The following DYNC1I1 variants were observed in gnomAD, a reference collection of about 807,000 sequenced individuals.
DYNC1I1 encodes the protein cytoplasmic dynein 1 intermediate chain 1.
A neutral mutation model predicts 86.6 loss-of-function variants in DYNC1I1; 43 were observed. The ratio of observed to expected loss-of-function variants is 0.50; its 90% CI spans 0.39 to 0.64. The LOEUF (loss-of-function observed/expected upper bound fraction) is 0.64, where lower values mean the gene tolerates loss of function less well. Among genes scored for constraint, DYNC1I1 ranks in the 30% least tolerant of loss-of-function variants. The pLI, the probability that DYNC1I1 is intolerant of heterozygous loss-of-function variation, is 0.00. For missense variants in DYNC1I1, 604 were observed against 788.8 expected, an observed-to-expected ratio of 0.77 and a Z score of 2.81; for synonymous variants, 262 against 283.7, an observed-to-expected ratio of 0.92 and a Z score of 0.77.
intron 4 of DYNC1I1, 56 bp downstream of exon 4, chr7:95,813,393 A>AAAG (rs397780960): frequency 1.6e-4 from 240 of 1,512,538 alleles, no homozygotes; most frequent in Non-Finnish European, 1.8e-4. Context: ...AAAAAAAAAA[A>AAAG]CAGCAACAAC....
chr7:95,831,355 A>T (rs761210840), intron 5 of DYNC1I1, among the ~76,000 whole-genome samples: 4 of 152,070 alleles, frequency 2.6e-5, no homozygotes, highest in Non-Finnish European at 5.9e-5. Context: ...GTTTGGAATA[A>T]TATTGTGGAG....
At chr7:95,803,076 A>G (rs2618972) in intron 1 of DYNC1I1, among the ~76,000 whole-genome samples, 95,555 of 152,124 alleles carry the variant, frequency 0.63, 30,898 homozygotes, top group African/African-American at 0.77. Flanking sequence ...CAGAGCACGG[A>G]CAAGCTTGAA....
Position 96,054,936 on chromosome 7 carries a change from GT to G in DYNC1I1, c.1509+15518del, listed in dbSNP as rs200417815. Among the ~76,000 whole-genome samples, 1,109 of 152,262 alleles carry G rather than the reference GT, an allele frequency of 7.3e-3. 18 individuals are homozygous for G. Among genetic ancestry groups the G allele is most frequent in the African/African-American group, 0.026 (1,076 of 41,552 alleles). ...AGGCTGCCTGTTCACTCTGATGATAGTTTCTTTGGCTGTGCAGAAGTTCTTT... is the reference window on the plus strand; with the variant it reads ...AGGCTGCCTGTTCACTCTGATGATAGTTCTTTGGCTGTGCAGAAGTTCTTT... On this transcript the variant is annotated intron_variant, in intron 14 of 16. Transcript: ENST00000447467.
At chr7:95,870,071 G>A in intron 6 of DYNC1I1, 73 bp downstream of exon 6, 2 of 1,303,578 alleles carry the variant, frequency 1.5e-6, no homozygotes, top group Non-Finnish European at 2.1e-6. Flanking sequence ...CTTTCTTGTT[G>A]ATTTCCTCTT....
At chr7:96,063,371 A>T (rs1239632500) in intron 14 of DYNC1I1, among the ~76,000 whole-genome samples, 1 of 152,128 alleles carries the variant, frequency 6.6e-6, no homozygotes, top group Non-Finnish European at 1.5e-5. Flanking sequence ...GGAAAAAAAA[A>T]GTCTGCCTTC....
At chr7:96,062,569 A>T (rs773948140) in intron 14 of DYNC1I1, among the ~76,000 whole-genome samples, 24 of 151,972 alleles carry the variant, frequency 1.6e-4, no homozygotes, top group Non-Finnish European at 8.8e-5. Flanking sequence ...TATTCTTCTG[A>T]TCTTCTGTCT....
chr7:95,959,539 A>G (rs537503213), intron 6 of DYNC1I1, among the ~76,000 whole-genome samples: 109 of 152,354 alleles, frequency 7.2e-4, no homozygotes, highest in Admixed American at 4.4e-3. Context: ...TCTAGCTTAG[A>G]TGACAGTGAC....
intron 10 of DYNC1I1, among the ~76,000 whole-genome samples, chr7:96,012,535 T>C (rs891680078): frequency 6.6e-6 from 1 of 152,086 alleles, no homozygotes; most frequent in African/African-American, 2.4e-5. Context: ...TTCTATCAGG[T>C]GAAAGAAAGT....
chr7:96,012,164 A>C (rs1794291200), intron 10 of DYNC1I1, among the ~76,000 whole-genome samples: 1 of 152,134 alleles, frequency 6.6e-6, no homozygotes, highest in Non-Finnish European at 1.5e-5. Context: ...ATTGTGATTG[A>C]TGTGATGGTT....
In DYNC1I1 at chr7:95,968,667, G is replaced by A. The variant is rs76457464; in HGVS notation, c.491-8845G>A. Among the ~76,000 whole-genome samples the A allele has an allele frequency of 6.9e-3, 1,049 of 152,204 alleles. 33 individuals are homozygous for A. The highest frequency in any genetic ancestry group is 0.033 in the East Asian group (168 of 5,168). ...AAAGGAAACTGCAGATTTGCACATT[G>A]GGAAGACTTAATAGAGAAAGCAGAA... On this transcript the variant is annotated intron_variant, in intron 6 of 16. Transcript: ENST00000447467.
chr7:95,853,488 A>G lies in DYNC1I1; in HGVS notation c.375-16395A>G, dbSNP rs184679451. 2.0e-3 allele frequency among the ~76,000 whole-genome samples: 310 copies of G among 152,334 alleles called. 3 individuals carry two copies. The highest frequency in any genetic ancestry group is 2.5e-3 in the Non-Finnish European group (172 of 68,018). On this transcript the variant is annotated intron_variant, in intron 5 of 16. Coordinates refer to ENST00000447467, the MANE Select transcript of DYNC1I1 (RefSeq NM_001135556.2). ...ACTGTGAGCCAATAAATTGCTGTTC[A>G]TTATAAATTAGCCAGTTTGTGGTAT... is the stretch of plus-strand genomic sequence containing the variant.
At chr7:95,940,901 G>C (rs1442554664) in intron 6 of DYNC1I1, among the ~76,000 whole-genome samples, 1 of 152,162 alleles carries the variant, frequency 6.6e-6, no homozygotes, top group Non-Finnish European at 1.5e-5. Flanking sequence ...CAGTTTTTCT[G>C]CTCTGTTTTT....
chr7:95,990,900 C>T (rs62467740), intron 9 of DYNC1I1, among the ~76,000 whole-genome samples: 11,776 of 152,070 alleles, frequency 0.077, 550 homozygotes, highest in Non-Finnish European at 0.1. Flanking sequence ...CATGGTGGTG[C>T]ATGCCTGCAG....
At chr7:95,808,418 A>G (rs926430354) in intron 2 of DYNC1I1, among the ~76,000 whole-genome samples, 3 of 152,138 alleles carry the variant, frequency 2.0e-5, no homozygotes, top group African/African-American at 7.2e-5. Flanking sequence ...TGTAAAAATT[A>G]CCACCCTTTG....
At chr7:95,872,144 A>G (rs947371431) in intron 6 of DYNC1I1, among the ~76,000 whole-genome samples, 3 of 152,210 alleles carry the variant, frequency 2.0e-5, no homozygotes, top group Non-Finnish European at 2.9e-5. Context: ...AGCAGTGGAC[A>G]GTTGGCACTG....
chr7:96,028,058 A>T lies in DYNC1I1; in HGVS notation c.970-117A>T, dbSNP rs141086884. On this transcript the variant is annotated intron_variant, in intron 10 of 16. Coordinates refer to ENST00000447467, the MANE Select transcript of DYNC1I1 (RefSeq NM_001135556.2). ...ACTTTTACAGTCCCAGCTTTAAATTATTTTTTTGTTTTCCAGGATGTGTTG... is the reference window on the plus strand; with the variant it reads ...ACTTTTACAGTCCCAGCTTTAAATTTTTTTTTTGTTTTCCAGGATGTGTTG... The T allele has an allele frequency of 1.8e-3, 2,463 of 1,389,842 alleles. 27 individuals are homozygous for T. In the African/African-American group the frequency reaches 0.028, roughly 16 times the overall value. 86.1% of individuals were successfully genotyped at this position (1,389,842 alleles called of 1,614,324 possible). A position where few individuals can be genotyped will look rare whatever the true frequency, so the allele number is the denominator to read the frequency against.
intron 6 of DYNC1I1, among the ~76,000 whole-genome samples, chr7:95,907,774 GTTT>G (rs36104830): frequency 3.6e-5 from 5 of 139,268 alleles, no homozygotes; most frequent in Admixed American, 7.1e-5. Context: ...TCAATCAACT[GTTT>G]TTTTTTTTTT....
intron 6 of DYNC1I1, among the ~76,000 whole-genome samples, chr7:95,932,766 C>T (rs77238250): frequency 0.037 from 5,677 of 152,170 alleles, 273 homozygotes; most frequent in African/African-American, 0.12. Flanking sequence ...ACACTAGAAC[C>T]AGGGGCTAAA....
intron 5 of DYNC1I1, among the ~76,000 whole-genome samples, chr7:95,831,752 G>C (rs1467282606): frequency 6.6e-6 from 1 of 151,942 alleles, no homozygotes; most frequent in African/African-American, 2.4e-5. Context: ...TAGTGATGTT[G>C]AACACTTTTT....
Sources: allele counts gnomAD v4.1 joint callset (sites outside exome capture counted in the v4.1 genomes callset), GRCh38; gene constraint gnomAD v4.1.1; transcripts MANE v1.5; gene names NCBI Gene and HGNC (gene_info 2026-07-23, HGNC 2026-07-21).